FMNL2: variants seen among roughly 807,000 people sequenced by gnomAD.
FMNL2 encodes the protein formin like 2.
In FMNL2, 51 loss-of-function variants were observed where a neutral mutation model predicts 130.2. The observed-to-expected ratio is 0.39, with a 90% CI of 0.31 to 0.49. The LOEUF is 0.49. Among genes scored for constraint, FMNL2 ranks in the 20% least tolerant of loss-of-function variants. FMNL2 has a pLI of 0.85. For synonymous variants in FMNL2, 465 were observed against 467.1 expected (o/e 1.00, Z 0.06); for missense variants, 977 against 1,316.2 (o/e 0.74, Z 3.99).
intron 25 of FMNL2, among the ~76,000 whole-genome samples, chr2:152,647,424 T>C (rs1683684017): frequency 6.6e-6 from 1 of 152,220 alleles, no homozygotes; most frequent in Non-Finnish European, 1.5e-5. Flanking sequence ...TTAAAATTTA[T>C]TGCAGTTACT....
At chr2:152,464,298 A>G (rs899709977) in intron 1 of FMNL2, among the ~76,000 whole-genome samples, 45 of 152,328 alleles carry the variant, frequency 3.0e-4, no homozygotes, top group African/African-American at 1.0e-3. Flanking sequence ...GTGGGTGCCA[A>G]CAAATAGAAT....
intron 1 of FMNL2, among the ~76,000 whole-genome samples, chr2:152,336,600 C>T (rs1040686959): frequency 3.3e-5 from 5 of 152,142 alleles, no homozygotes; most frequent in African/African-American, 1.2e-4. Context: ...AGTGTCTGGG[C>T]CCCTCCCAGC....
rs1235599536 is a variant in FMNL2 at position 152,375,873 on chromosome 2, C to CTATATATATATATATA, written c.117+40154_117+40155insATATATATATATATAT. Among the ~76,000 whole-genome samples, 199 of 113,684 alleles carry CTATATATATATATATA rather than the reference C, an allele frequency of 1.8e-3. 1 individual carries two copies. Among genetic ancestry groups the CTATATATATATATATA allele is most frequent in the Non-Finnish European group, 2.6e-3 (152 of 57,554 alleles). The allele number at this position is 113,684 out of a possible 152,430, so 74.6% of individuals were successfully genotyped here. ...AAGCTCTCTCTCTCTCTCTCTCTCT[C>CTATATATATATATATA]TCTCTATATATATATATATATATAA... On this transcript the variant is annotated intron_variant, in intron 1 of 25. Coordinates refer to ENST00000288670, the MANE Select transcript of FMNL2 (RefSeq NM_052905.4).
chr2:152,582,956 C>T (rs1342740845), intron 9 of FMNL2, among the ~76,000 whole-genome samples: 1 of 152,110 alleles, frequency 6.6e-6, no homozygotes, highest in Non-Finnish European at 1.5e-5. Context: ...GCCAGGAATT[C>T]ATGAGATGAA....
At chr2:152,348,119 C>T (rs1230759111) in intron 1 of FMNL2, among the ~76,000 whole-genome samples, 2 of 152,268 alleles carry the variant, frequency 1.3e-5, no homozygotes, top group East Asian at 1.9e-4. Flanking sequence ...CTTACAGACC[C>T]ACGTCAGCAT....
At chr2:152,613,477 C>T (rs16831437) in intron 11 of FMNL2, among the ~76,000 whole-genome samples, 5,208 of 152,272 alleles carry the variant, frequency 0.034, 279 homozygotes, top group African/African-American at 0.12. Context: ...AAGCCATTCT[C>T]ACTTGTGACT....
chr2:152,545,389 T>C (rs1010907520), intron 3 of FMNL2, among the ~76,000 whole-genome samples: 3 of 152,172 alleles, frequency 2.0e-5, no homozygotes, highest in African/African-American at 4.8e-5. Flanking sequence ...TTTGTGCAAA[T>C]TGAATAGAAG....
At chr2:152,639,006 G>A (rs1321573804) in intron 23 of FMNL2, among the ~76,000 whole-genome samples, 2 of 152,078 alleles carry the variant, frequency 1.3e-5, no homozygotes, top group African/African-American at 4.8e-5. Flanking sequence ...CTGTGTTGGA[G>A]GTCCCAGCCT....
chr2:152,561,042 T>C lies in FMNL2; in HGVS notation c.596+7T>C. Reference sequence around the variant, plus strand: ...GAAGACATTCTGCACTGCGGTGAGTTCGTTTAATCAGGAGGCAACTTTGGC... The same window carrying C: ...GAAGACATTCTGCACTGCGGTGAGTCCGTTTAATCAGGAGGCAACTTTGGC... On this transcript the variant is annotated splice_region_variant and intron_variant, in intron 6 of 25. Transcript: ENST00000288670. The C allele has an allele frequency of 1.3e-6, 2 of 1,584,510 alleles. No homozygotes were observed. Among genetic ancestry groups the C allele is most frequent in the East Asian group, 2.3e-5 (1 of 43,478 alleles).
intron 1 of FMNL2, among the ~76,000 whole-genome samples, chr2:152,423,150 T>C (rs1687006581): frequency 6.6e-6 from 1 of 152,228 alleles, no homozygotes; most frequent in Admixed American, 6.5e-5. Context: ...ATGGGATATC[T>C]TCCCTGAAGC....
At chr2:152,491,689 G>A (rs1157598861) in intron 1 of FMNL2, among the ~76,000 whole-genome samples, 1 of 152,196 alleles carries the variant, frequency 6.6e-6, no homozygotes, top group Non-Finnish European at 1.5e-5. Flanking sequence ...GATGGCTCAT[G>A]CCTTTAATCC....
At chr2:152,537,976 T>C (rs1264957126) in intron 2 of FMNL2, among the ~76,000 whole-genome samples, 1 of 152,210 alleles carries the variant, frequency 6.6e-6, no homozygotes, top group African/African-American at 2.4e-5. Flanking sequence ...ATGGAGATAA[T>C]ATCTACTTGC....
intron 1 of FMNL2, among the ~76,000 whole-genome samples, chr2:152,484,626 C>T (rs1690716000): frequency 6.6e-6 from 1 of 151,940 alleles, no homozygotes; most frequent in Admixed American, 6.6e-5. Flanking sequence ...AAAAAATTAG[C>T]CGAGCATGGT....
At chr2:152,397,939 C>G (rs1320457792) in intron 1 of FMNL2, among the ~76,000 whole-genome samples, 1 of 152,182 alleles carries the variant, frequency 6.6e-6, no homozygotes, top group Non-Finnish European at 1.5e-5. Context: ...GCCTGGCCAA[C>G]ATGGCAAAAC....
chr2:152,465,334 C>A (rs1689469960), intron 1 of FMNL2, among the ~76,000 whole-genome samples: 1 of 152,174 alleles, frequency 6.6e-6, no homozygotes, highest in Non-Finnish European at 1.5e-5. Context: ...GTGTTGCAGG[C>A]AGGAGGTTCA....
intron 1 of FMNL2, among the ~76,000 whole-genome samples, chr2:152,406,592 C>A (rs1238291784): frequency 1.3e-5 from 2 of 152,170 alleles, no homozygotes; most frequent in Non-Finnish European, 2.9e-5. Context: ...ATGATGGTAG[C>A]ATAATTTTTG....
chr2:152,511,107 C>G lies in FMNL2; in HGVS notation c.118-10836C>G, dbSNP rs1692476089. The stretch of plus-strand genomic sequence containing the variant: ...TAGGGTCCTCTGTTGAGTGTGTGGT[C>G]AACATTTTCAGGAACCACCACACTG... On this transcript the variant is annotated intron_variant, in intron 1 of 25. Coordinates refer to ENST00000288670, the MANE Select transcript of FMNL2 (RefSeq NM_052905.4). 2.0e-5 allele frequency among the ~76,000 whole-genome samples: 3 copies of G among 152,188 alleles called. No individual in the cohort carries two copies. The South Asian group carries it at 6.2e-4, about 32-fold the overall frequency.
chr2:152,393,452 T>A (rs1685227127), intron 1 of FMNL2, among the ~76,000 whole-genome samples: 1 of 152,230 alleles, frequency 6.6e-6, no homozygotes, highest in Non-Finnish European at 1.5e-5. Context: ...GGACATTTTC[T>A]AAGACTTGTT....
chr2:152,573,470 TCTGGTTTTGCCTG>T (rs769738320), intron 6 of FMNL2, among the ~76,000 whole-genome samples: 18 of 152,100 alleles, frequency 1.2e-4, no homozygotes, highest in Non-Finnish European at 2.1e-4. Context: ...TGAGGAGACT[TCTGGTTTTGCCTG>T]GTCTCATCTC....
Sources: allele counts gnomAD v4.1 joint callset (sites outside exome capture counted in the v4.1 genomes callset), GRCh38; gene constraint gnomAD v4.1.1; transcripts MANE v1.5; gene names NCBI Gene and HGNC (gene_info 2026-07-23, HGNC 2026-07-21).